Variants in SFSWAP observed in about 807,000 individuals in gnomAD.
SFSWAP encodes splicing factor, suppressor of white-apricot homolog.
A neutral mutation model predicts 100.7 loss-of-function variants in SFSWAP; 17 were observed. The ratio of observed to expected loss-of-function variants is 0.17; its 90% CI spans 0.12 to 0.25. The LOEUF (loss-of-function observed/expected upper bound fraction) is 0.25. Among genes scored for constraint, SFSWAP ranks in the 10% least tolerant of loss-of-function variants. SFSWAP has a pLI of 1.00. For synonymous variants in SFSWAP, 504 were observed against 510.1 expected (o/e 0.99, Z 0.16); for missense variants, 1,005 against 1,262.6 (o/e 0.80, Z 3.09).
chr12:131,758,775 G>A (rs994962694), intron 11 of SFSWAP, among the ~76,000 whole-genome samples: 7 of 152,226 alleles, frequency 4.6e-5, no homozygotes, highest in South Asian at 4.1e-4. Context: ...ACAAAACCCC[G>A]TCTCTGCTAA....
intron 13 of SFSWAP, among the ~76,000 whole-genome samples, chr12:131,766,785 A>G (rs1388346268): frequency 6.6e-6 from 1 of 152,280 alleles, no homozygotes; most frequent in Non-Finnish European, 1.5e-5. Context: ...CTCCAGGAGT[A>G]CATGGCTCCT....
intron 7 of SFSWAP, among the ~76,000 whole-genome samples, chr12:131,748,612 TACGAGAGA>T (rs764798268): frequency 2.3e-4 from 35 of 152,244 alleles, no homozygotes; most frequent in Non-Finnish European, 4.3e-4. Flanking sequence ...CATGCAGAGA[TACGAGAGA>T]ACTGGCTCTG....
intron 10 of SFSWAP, 75 bp downstream of exon 10, chr12:131,755,554 G>C (rs903354279): frequency 9.8e-7 from 1 of 1,018,484 alleles, no homozygotes; most frequent in Admixed American, 2.0e-5. Context: ...GTCGCTTTCT[G>C]TTTCTTCTCC....
intron 7 of SFSWAP, among the ~76,000 whole-genome samples, chr12:131,741,426 A>C (rs1296389109): frequency 6.6e-6 from 1 of 152,126 alleles, no homozygotes; most frequent in Non-Finnish European, 1.5e-5. Flanking sequence ...TCTTGAGCTC[A>C]GGAGGTCAAG....
chr12:131,769,133 A>G (rs1883368374), intron 13 of SFSWAP, among the ~76,000 whole-genome samples: 1 of 151,684 alleles, frequency 6.6e-6, no homozygotes, highest in African/African-American at 2.4e-5. Context: ...TCTCAAAAAA[A>G]AAAAGGATGT....
rs370181184 is a variant in SFSWAP, at chr12:131,714,973, G to A, written c.520+20G>A. 1.4e-5 allele frequency: 23 copies of A among 1,613,240 alleles called. No homozygotes were observed. The African/African-American group carries it at 2.8e-4, about 20-fold the overall frequency. On this transcript the variant is annotated intron_variant, in intron 3 of 17. Coordinates refer to ENST00000261674, the MANE Select transcript of SFSWAP (RefSeq NM_004592.4). This position sits in a 1 kb window ranked among gnomAD's most constrained non-coding sequence, Gnocchi z 6.0. ...AGAGAGGTGAGTGGGGAGCTGCCTGGACTGCTGGTGTAGGGCTACACGTGT... is the reference window on the plus strand; with the variant it reads ...AGAGAGGTGAGTGGGGAGCTGCCTGAACTGCTGGTGTAGGGCTACACGTGT...
intron 7 of SFSWAP, among the ~76,000 whole-genome samples, chr12:131,741,644 C>CAA (rs543737279): frequency 4.1e-4 from 28 of 68,848 alleles, no homozygotes; most frequent in African/African-American, 1.0e-3. Context: ...AGACTCTGTC[C>CAA]AAAAAAAAAA....
rs1323067430 is a variant in SFSWAP, at chr12:131,756,647, A to G, written c.1720+3A>G. 1 of 1,580,520 alleles carries G rather than the reference A, an allele frequency of 6.3e-7. No individual in the cohort carries two copies. The highest frequency in any genetic ancestry group is 1.4e-5 in the African/African-American group (1 of 73,690). On this transcript the variant is annotated splice_donor_region_variant and intron_variant, in intron 11 of 17. Transcript: ENST00000261674. ...CCCGGACGGGAAGCTGGTGAAAGGT[A>G]TGCTGCCACTTGCATGTTGGCCTTG... is the stretch of plus-strand genomic sequence containing the variant.
In SFSWAP at chr12:131,754,447, G is replaced by A. The variant is rs201938532; in HGVS notation, c.1402G>A (p.Ala468Thr). The A allele has an allele frequency of 1.1e-4, 182 of 1,602,406 alleles. No individual in the cohort carries two copies. Among genetic ancestry groups the A allele is most frequent in the Admixed American group, 1.4e-4 (8 of 56,984 alleles). ...GATTGACAAGCTGGCCGAGTATGTC[G>A]CCAGGAACGGCCTGAAGTTCGAGAC... is the stretch of plus-strand genomic sequence containing the variant. ...PVIDKLAEYV[A>T]RNGLKFETSV... Residue 468 changes from alanine (A) to threonine (T), a missense_variant, in exon 9 of 18, where the codon GCC becomes ACC. This residue lies in a region of SFSWAP where 311 missense variants were observed against 317.8 expected (regional missense o/e 0.98). Coordinates refer to ENST00000261674, the MANE Select transcript of SFSWAP (RefSeq NM_004592.4).
At chr12:131,791,720 C>T (rs914996717) in intron 15 of SFSWAP, among the ~76,000 whole-genome samples, 7 of 152,262 alleles carry the variant, frequency 4.6e-5, no homozygotes, top group South Asian at 2.1e-4. Context: ...TTCCAGCCCG[C>T]GACAGTGCAA....
chr12:131,736,513 G>C (rs1463778699), intron 7 of SFSWAP, among the ~76,000 whole-genome samples: 2 of 152,124 alleles, frequency 1.3e-5, no homozygotes, highest in Admixed American at 1.3e-4. Flanking sequence ...TAATTCAGAG[G>C]CAAAAATGCC....
Position 131,794,417 on chromosome 12 carries a change from G to A in SFSWAP, c.2535-2761G>A, listed in dbSNP as rs1378050687. 6.6e-6 allele frequency among the ~76,000 whole-genome samples: 1 copy of A among 151,332 alleles called. No homozygotes were observed. The highest frequency in any genetic ancestry group is 6.6e-5 in the Admixed American group (1 of 15,144). On this transcript the variant is annotated intron_variant, in intron 15 of 17. Transcript: ENST00000261674. This position sits in a 1 kb window ranked among gnomAD's most constrained non-coding sequence, Gnocchi z 4.8. ...CCATTTGTGGTGGCGTCTGCCTGTCGTCCCAGCTACTTGGGAGGCTGAGGC... is the reference window on the plus strand; with the variant it reads ...CCATTTGTGGTGGCGTCTGCCTGTCATCCCAGCTACTTGGGAGGCTGAGGC...
Position 131,726,356 on chromosome 12 carries a change from C to T in SFSWAP, c.833-584C>T, listed in dbSNP as rs116790790. ...TCCCGAGTAGCTGGGATCGTGGGCA[C>T]GTGCCACCACGCCCGGCTAATTTTT... On this transcript the variant is annotated intron_variant, in intron 5 of 17. Transcript: ENST00000261674. 9.1e-3 allele frequency among the ~76,000 whole-genome samples: 1,380 copies of T among 152,244 alleles called. 21 individuals carry two copies. Among genetic ancestry groups the T allele is most frequent in the African/African-American group, 0.032 (1,309 of 41,542 alleles).
chr12:131,715,158 G>T (rs757724484), intron 3 of SFSWAP, among the ~76,000 whole-genome samples: 3 of 152,212 alleles, frequency 2.0e-5, no homozygotes, highest in African/African-American at 7.2e-5. Context: ...AAGTGAATGC[G>T]TTGGATTATT....
chr12:131,734,491 TG>T lies in SFSWAP; in HGVS notation c.1081+6064del, dbSNP rs1353478083. 6.6e-6 allele frequency among the ~76,000 whole-genome samples: 1 copy of T among 152,202 alleles called. No individual in the cohort carries two copies. The highest frequency in any genetic ancestry group is 6.5e-5 in the Admixed American group (1 of 15,284). On this transcript the variant is annotated intron_variant, in intron 7 of 17. Transcript: ENST00000261674. This position sits in a 1 kb window ranked among gnomAD's most constrained non-coding sequence, Gnocchi z 4.9. ...CTTGTAAGCCGGGGCCGCATTGTTG[TG>T]TTACCACACTTCTGTTTTAGAGCCT...
chr12:131,779,603 C>T (rs901973207), intron 14 of SFSWAP, among the ~76,000 whole-genome samples: 11 of 147,476 alleles, frequency 7.5e-5, no homozygotes, highest in Admixed American at 6.8e-5. Context: ...GTTTCTCTAA[C>T]GCCGCACTGA....
chr12:131,790,689 G>A (rs1318837346), intron 15 of SFSWAP, among the ~76,000 whole-genome samples: 2 of 152,192 alleles, frequency 1.3e-5, no homozygotes, highest in Admixed American at 6.5e-5. Flanking sequence ...TACAATGAAT[G>A]ATTAGTTACA....
At chr12:131,768,205 G>A (rs1398822564) in intron 13 of SFSWAP, among the ~76,000 whole-genome samples, 2 of 152,234 alleles carry the variant, frequency 1.3e-5, no homozygotes, top group Admixed American at 6.5e-5. Flanking sequence ...TCCACCGATG[G>A]TGTCCATCAC....
At chr12:131,788,882 A>C (rs1885069346) in intron 15 of SFSWAP, among the ~76,000 whole-genome samples, 1 of 152,132 alleles carries the variant, frequency 6.6e-6, no homozygotes. Context: ...TAGTGCACAT[A>C]ATTCAGCTAC....
Sources: allele counts gnomAD v4.1 joint callset (sites outside exome capture counted in the v4.1 genomes callset), GRCh38; gene constraint gnomAD v4.1.1; regional missense constraint gnomAD v4.1.1; non-coding constraint Gnocchi (gnomAD v3.1); transcripts MANE v1.5; gene names NCBI Gene and HGNC (gene_info 2026-07-23, HGNC 2026-07-21).